Variants in AFG1L observed in about 807,000 individuals in gnomAD.
AFG1L encodes AFG1 like ATPase, also known as AFG1-like ATPase.
In AFG1L, 53 loss-of-function variants were observed where a neutral mutation model predicts 62.2. The ratio of observed to expected loss-of-function variants is 0.85; its 90% confidence interval spans 0.68 to 1.07. The LOEUF (loss-of-function observed/expected upper bound fraction) is 1.07, where lower values mean the gene tolerates loss of function less well. AFG1L is among the 50% of genes least tolerant of loss of function. AFG1L has a pLI of 0.00. For synonymous variants in AFG1L, 228 were observed against 210.3 expected, an observed-to-expected ratio of 1.08 and a Z score of -0.73; for missense variants, 555 against 590.5, an observed-to-expected ratio of 0.94 and a Z score of 0.62.
chr6:108,467,675 T>A (rs17069587), intron 8 of AFG1L, among the ~76,000 whole-genome samples: 6,508 of 152,332 alleles, frequency 0.043, 214 homozygotes, highest in South Asian at 0.11. Flanking sequence ...TCACAGTACA[T>A]TGATTTATAA....
At chr6:108,402,840 T>G (rs1582527294) in intron 7 of AFG1L, among the ~76,000 whole-genome samples, 1 of 152,178 alleles carries the variant, frequency 6.6e-6, no homozygotes, top group East Asian at 1.9e-4. Flanking sequence ...AAAAATATTC[T>G]AATATATTTA....
At chr6:108,485,647 TA>T (rs1773528789) in intron 10 of AFG1L, among the ~76,000 whole-genome samples, 6 of 22,460 alleles carry the variant, frequency 2.7e-4, no homozygotes, top group African/African-American at 1.4e-3. Context: ...TATATATATA[TA>T]TATATATATT....
chr6:108,356,875 A>T, intron 5 of AFG1L, 55 bp downstream of exon 5: 1 of 1,442,410 alleles, frequency 6.9e-7, no homozygotes, highest in Non-Finnish European at 9.5e-7. Context: ...AGGTATGAAG[A>T]TTTAAATTTT....
At chr6:108,449,840 G>A (rs1245511395) in intron 8 of AFG1L, among the ~76,000 whole-genome samples, 1 of 152,148 alleles carries the variant, frequency 6.6e-6, no homozygotes, top group Non-Finnish European at 1.5e-5. Flanking sequence ...CTATGAGTGA[G>A]AATATGCAGT....
intron 6 of AFG1L, among the ~76,000 whole-genome samples, chr6:108,372,273 A>T (rs369206265): frequency 6.7e-6 from 1 of 150,112 alleles, no homozygotes; most frequent in East Asian, 1.9e-4. Flanking sequence ...TTATTTTTTT[A>T]CTTACCAAAT....
intron 6 of AFG1L, among the ~76,000 whole-genome samples, chr6:108,374,009 T>C (rs775597912): frequency 1.3e-5 from 2 of 152,208 alleles, no homozygotes; most frequent in Non-Finnish European, 2.9e-5. Flanking sequence ...TGTTATTTTT[T>C]ACTTTTTAAT....
intron 6 of AFG1L, among the ~76,000 whole-genome samples, chr6:108,396,965 AT>A (rs2114613402): frequency 6.6e-6 from 1 of 152,220 alleles, no homozygotes; most frequent in East Asian, 1.9e-4. Context: ...CAATTAAATT[AT>A]TATTGAACTA....
At chr6:108,516,077 G>C (rs1774874944) in intron 11 of AFG1L, among the ~76,000 whole-genome samples, 1 of 152,180 alleles carries the variant, frequency 6.6e-6, no homozygotes, top group African/African-American at 2.4e-5. Flanking sequence ...GAGGTACAAG[G>C]AGGAGCTGGT....
At chr6:108,445,252 G>A (rs1003757742) in intron 7 of AFG1L, among the ~76,000 whole-genome samples, 1 of 152,154 alleles carries the variant, frequency 6.6e-6, no homozygotes, top group African/African-American at 2.4e-5. Flanking sequence ...GCCTTTCTCT[G>A]GATTAGGCTT....
At chr6:108,367,316 A>C (rs957771115) in intron 6 of AFG1L, among the ~76,000 whole-genome samples, 1 of 152,156 alleles carries the variant, frequency 6.6e-6, no homozygotes, top group Non-Finnish European at 1.5e-5. Context: ...TGTTTTAAAA[A>C]GATCTCTCTG....
intron 2 of AFG1L, among the ~76,000 whole-genome samples, chr6:108,339,250 T>G (rs1417373596): frequency 1.3e-5 from 2 of 151,722 alleles, no homozygotes; most frequent in Non-Finnish European, 2.9e-5. Context: ...AAATGATTCT[T>G]GTGCCTCAGC....
chr6:108,466,684 A>G (rs1300473934), intron 8 of AFG1L, among the ~76,000 whole-genome samples: 1 of 151,338 alleles, frequency 6.6e-6, no homozygotes, highest in Admixed American at 6.6e-5. Flanking sequence ...CAGCACCTTG[A>G]TCTTGGCCTC....
Position 108,449,161 on chromosome 6 carries a change from A to AG in AFG1L, c.890+1865_890+1866insG, listed in dbSNP as rs1415789409. Among the ~76,000 whole-genome samples, 127 of 26,074 alleles carry AG rather than the reference A, an allele frequency of 4.9e-3. 2 individuals carry two copies. Among genetic ancestry groups the AG allele is most frequent in the South Asian group, 4.0e-3 (4 of 990 alleles). The allele number at this position is 26,074 out of a possible 152,430, so 17.1% of individuals were successfully genotyped here. ...AGACCCTGTTTCAAAAAAAAAAAGT[A>AG]TATATATATATATATAAGTGTATAC... On this transcript the variant is annotated intron_variant, in intron 8 of 12. Coordinates refer to ENST00000368977, the MANE Select transcript of AFG1L (RefSeq NM_145315.5).
chr6:108,402,467 T>TAAAAAAA (rs55775052), intron 7 of AFG1L, among the ~76,000 whole-genome samples: 3 of 91,164 alleles, frequency 3.3e-5, no homozygotes, highest in Non-Finnish European at 4.2e-5. Context: ...CCGTCTCGAA[T>TAAAAAAA]AAAAAAAAAA....
chr6:108,374,743 A>G (rs1780167783), intron 6 of AFG1L, among the ~76,000 whole-genome samples: 1 of 152,108 alleles, frequency 6.6e-6, no homozygotes, highest in South Asian at 2.1e-4. Context: ...GCCTTATGGT[A>G]TAGTTTGAAG....
At chr6:108,503,272 G>A (rs1774273878) in intron 10 of AFG1L, among the ~76,000 whole-genome samples, 1 of 152,118 alleles carries the variant, frequency 6.6e-6, no homozygotes, top group Admixed American at 6.5e-5. Context: ...TCCATCACAG[G>A]AATCGCTATA....
rs1269630379 is a variant in AFG1L at position 108,295,235 on chromosome 6, T to C, written c.139+17T>C. On this transcript the variant is annotated intron_variant, in intron 1 of 12. Coordinates refer to ENST00000368977, the MANE Select transcript of AFG1L (RefSeq NM_145315.5). Reference sequence around the variant, plus strand: ...TTTGGAAAGGTCAGTGACTGTGCCATGAGTAGTCCGAGCCGACTGCATATG... The same window carrying C: ...TTTGGAAAGGTCAGTGACTGTGCCACGAGTAGTCCGAGCCGACTGCATATG... 6.3e-7 allele frequency: 1 copy of C among 1,594,112 alleles called. No homozygotes were observed. Among genetic ancestry groups the C allele is most frequent in the East Asian group, 2.2e-5 (1 of 44,778 alleles).
In AFG1L at chr6:108,316,596, C is replaced by T. The variant is rs367733043; in HGVS notation, c.140-7229C>T. On this transcript the variant is annotated intron_variant, in intron 1 of 12. Coordinates refer to ENST00000368977, the MANE Select transcript of AFG1L (RefSeq NM_145315.5). ...TTGCCCAGGCTGGAGTGCAGTGGTG[C>T]GATCTCGGCTCACTGCAAGCTCCGC... Among the ~76,000 whole-genome samples the T allele has an allele frequency of 6.1e-4, 87 of 141,640 alleles. No individual in the cohort carries two copies. In the South Asian group the frequency reaches 8.4e-3, roughly 14 times the overall value. 92.9% of individuals were successfully genotyped at this position (141,640 alleles called of 152,430 possible). A position where few individuals can be genotyped will look rare whatever the true frequency, so the allele number is the denominator to read the frequency against.
rs796928022 is a variant in AFG1L at position 108,412,100 on chromosome 6, G to A, written c.807+10046G>A. 3.9e-5 allele frequency among the ~76,000 whole-genome samples: 6 copies of A among 152,306 alleles called. No individual in the cohort carries two copies. The East Asian group carries it at 5.8e-4, about 15-fold the overall frequency. ...CTGATGGAGCTGAAAACCATGGCAC[G>A]AGAACTATGTGATGCATGCACAAGC... On this transcript the variant is annotated intron_variant, in intron 7 of 12. Transcript: ENST00000368977.
Sources: gnomAD v4.1 joint callset for allele counts (sites outside exome capture counted in the v4.1 genomes callset) on GRCh38, gnomAD v4.1.1 for gene constraint, MANE v1.5 for transcripts, NCBI Gene and HGNC (gene_info 2026-07-23, HGNC 2026-07-21) for gene names.